Variants in STPG2 observed in about 807,000 individuals in gnomAD.
STPG2 encodes the protein sperm tail PG-rich repeat containing 2.
A neutral mutation model predicts 54.2 loss-of-function variants in STPG2; 56 were observed. That is an observed-to-expected ratio of 1.03 (90% CI 0.83 to 1.29). The LOEUF (loss-of-function observed/expected upper bound fraction) is 1.29. STPG2 is among the 50% of genes most tolerant of loss of function. The pLI is 0.00. For synonymous variants in STPG2, 200 were observed against 181.8 expected (o/e 1.10, Z -0.81); for missense variants, 596 against 544.9 (o/e 1.09, Z -0.93).
At chr4:98,084,803 T>C (rs1738457029) in intron 5 of STPG2, among the ~76,000 whole-genome samples, 1 of 152,156 alleles carries the variant, frequency 6.6e-6, no homozygotes. Context: ...TTTTAATGAG[T>C]TCTTAGTCTT....
At position 98,016,554 on chromosome 4, in the gene STPG2, T is replaced by C. The variant is rs78363320; in HGVS notation, c.613-35236A>G. 2.6e-3 allele frequency among the ~76,000 whole-genome samples: 395 copies of C among 152,304 alleles called. 2 individuals are homozygous for C. The highest frequency in any genetic ancestry group is 8.9e-3 in the African/African-American group (371 of 41,582). On this transcript the variant is annotated intron_variant, in intron 5 of 10. Transcript: ENST00000295268. ...TCAAGTCTGCCATTAGAGTTCTCTG[T>C]GGAATTTTTTAGTTCAGTCATTGTG...
chr4:97,943,467 T>G (rs767127221), intron 8 of STPG2, among the ~76,000 whole-genome samples: 1 of 152,184 alleles, frequency 6.6e-6, no homozygotes, highest in Non-Finnish European at 1.5e-5. Flanking sequence ...TCAGAAAAAT[T>G]TATAGCCATA....
At chr4:97,449,570 A>G (rs181049375) in intron 4 of STPG2, among the ~76,000 whole-genome samples, 67 of 152,334 alleles carry the variant, frequency 4.4e-4, no homozygotes, top group African/African-American at 1.5e-3. Flanking sequence ...TCACTCAATC[A>G]GTATTCATTT....
intron 4 of STPG2, among the ~76,000 whole-genome samples, chr4:97,515,020 T>C (rs530258135): frequency 6.6e-6 from 1 of 152,244 alleles, no homozygotes; most frequent in African/African-American, 2.4e-5. Context: ...ATCAGAACTT[T>C]TGACAAAATC....
chr4:97,881,008 A>G (rs1730350790), intron 8 of STPG2, among the ~76,000 whole-genome samples: 1 of 152,138 alleles, frequency 6.6e-6, no homozygotes, highest in African/African-American at 2.4e-5. Context: ...TGAAGAAATA[A>G]AAAGAGCAAA....
chr4:97,658,841 G>A (rs532747064), intron 10 of STPG2, among the ~76,000 whole-genome samples: 1 of 152,112 alleles, frequency 6.6e-6, no homozygotes, highest in Non-Finnish European at 1.5e-5. Context: ...GCCAGTGAGA[G>A]TATTAAAGAA....
intron 10 of STPG2, among the ~76,000 whole-genome samples, chr4:97,650,229 C>G (rs1722026681): frequency 6.6e-6 from 1 of 152,162 alleles, no homozygotes; most frequent in South Asian, 2.1e-4. Context: ...TGCAGCCTGT[C>G]TCCTAACAGG....
chr4:97,602,247 T>C (rs953314805), intron 10 of STPG2, among the ~76,000 whole-genome samples: 1 of 151,810 alleles, frequency 6.6e-6, no homozygotes, highest in Non-Finnish European at 1.5e-5. Context: ...CACTAATGTT[T>C]CCCATATTTC....
chr4:97,756,953 C>T (rs1392145997), intron 9 of STPG2, among the ~76,000 whole-genome samples: 1 of 152,044 alleles, frequency 6.6e-6, no homozygotes, highest in African/African-American at 2.4e-5. Flanking sequence ...CAGCAAGTTG[C>T]AGAAAAATAA....
At chr4:97,658,046 A>G (rs1225061794) in intron 10 of STPG2, among the ~76,000 whole-genome samples, 1 of 152,212 alleles carries the variant, frequency 6.6e-6, no homozygotes, top group African/African-American at 2.4e-5. Context: ...TTTCCATTCC[A>G]ATATGGAGAA....
At chr4:97,602,179 C>T (rs1214248131) in intron 10 of STPG2, among the ~76,000 whole-genome samples, 1 of 151,780 alleles carries the variant, frequency 6.6e-6, no homozygotes, top group Admixed American at 6.6e-5. Flanking sequence ...ACATCATCTT[C>T]AAATAATGTC....
chr4:97,949,915 C>T (rs1733402449), intron 7 of STPG2, among the ~76,000 whole-genome samples: 1 of 152,050 alleles, frequency 6.6e-6, no homozygotes, highest in East Asian at 1.9e-4. Flanking sequence ...ATGAATCTCA[C>T]ATGAGTTCTT....
At chr4:98,098,734 T>C (rs1738934078) in intron 5 of STPG2, among the ~76,000 whole-genome samples, 1 of 152,108 alleles carries the variant, frequency 6.6e-6, no homozygotes, top group African/African-American at 2.4e-5. Context: ...GACAAGGGAT[T>C]CATAACGAGA....
chr4:98,058,698 A>G (rs1389083154), intron 5 of STPG2, among the ~76,000 whole-genome samples: 1 of 152,120 alleles, frequency 6.6e-6, no homozygotes, highest in Non-Finnish European at 1.5e-5. Context: ...TGAACTCAAC[A>G]TTGGACCAAA....
Position 98,080,692 on chromosome 4 carries a change from A to C in STPG2, c.612+25261T>G, listed in dbSNP as rs145158692. On this transcript the variant is annotated intron_variant, in intron 5 of 10. Coordinates refer to ENST00000295268, the MANE Select transcript of STPG2 (RefSeq NM_174952.3). The stretch of plus-strand genomic sequence containing the variant: ...GTCTTCGTACTTTTCAAAAAAAAGA[A>C]AAAGGTGAAGTGCCAAGTTCAGTGG... Among the ~76,000 whole-genome samples, 113 of 152,304 alleles carry C rather than the reference A, an allele frequency of 7.4e-4. 4 individuals are homozygous for C. In the East Asian group the frequency reaches 0.02, roughly 27 times the overall value.
intron 8 of STPG2, among the ~76,000 whole-genome samples, chr4:97,908,945 G>A (rs1408404213): frequency 1.3e-5 from 2 of 151,058 alleles, no homozygotes; most frequent in Non-Finnish European, 3.0e-5. Flanking sequence ...CAGCGCACCA[G>A]CATGGCACAT....
At chr4:97,951,692 C>T (rs899269856) in intron 7 of STPG2, among the ~76,000 whole-genome samples, 7 of 152,054 alleles carry the variant, frequency 4.6e-5, no homozygotes, top group African/African-American at 9.7e-5. Flanking sequence ...CTATATCCTA[C>T]GGAGTTGGAA....
At chr4:98,138,751 T>C (rs943167256) in intron 1 of STPG2, among the ~76,000 whole-genome samples, 3 of 152,086 alleles carry the variant, frequency 2.0e-5, no homozygotes, top group Non-Finnish European at 2.9e-5. Flanking sequence ...GGCACAGGTA[T>C]GAGACCATAG....
chr4:97,583,688 T>C (rs1340657336), intron 10 of STPG2, among the ~76,000 whole-genome samples: 1 of 151,842 alleles, frequency 6.6e-6, no homozygotes, highest in Non-Finnish European at 1.5e-5. Flanking sequence ...TAAAAAGATA[T>C]TCCATGCAAT....
Sources: allele counts gnomAD v4.1 joint callset (sites outside exome capture counted in the v4.1 genomes callset), GRCh38; gene constraint gnomAD v4.1.1; transcripts MANE v1.5; gene names NCBI Gene and HGNC (gene_info 2026-07-23, HGNC 2026-07-21).